Variants in SKIL observed in about 807,000 individuals in gnomAD.
SKIL encodes SKI like proto-oncogene.
SKIL carries 20 observed loss-of-function variants against 69.6 expected under a neutral mutation model. That is an observed-to-expected ratio of 0.29 (90% CI 0.20 to 0.42). SKIL has a LOEUF of 0.42. SKIL is among the 10% of genes least tolerant of loss of function. The pLI, the probability that SKIL is intolerant of heterozygous loss-of-function variation, is 1.00. For synonymous variants in SKIL, 310 were observed against 279.9 expected (o/e 1.11, Z -1.08); for missense variants, 745 against 783.1 (o/e 0.95, Z 0.58).
At chr3:170,358,570 G>C (rs1038135812) in intron 1 of SKIL, 1 of 152,780 alleles carries the variant, frequency 6.5e-6, no homozygotes, top group Non-Finnish European at 1.5e-5. Flanking sequence ...GTTGAGTAAG[G>C]TGTGTTCCTG....
chr3:170,373,371 G>T (rs565987662), intron 2 of SKIL, among the ~76,000 whole-genome samples: 2 of 151,352 alleles, frequency 1.3e-5, no homozygotes, highest in African/African-American at 2.4e-5. Flanking sequence ...TAGAGACAGG[G>T]TTTCACCATG....
intron 2 of SKIL, among the ~76,000 whole-genome samples, chr3:170,367,934 C>T (rs919995952): frequency 6.6e-6 from 1 of 152,128 alleles, no homozygotes; most frequent in African/African-American, 2.4e-5. Flanking sequence ...AGCGTATTAG[C>T]CGTTTGAGAG....
chr3:170,388,122 A>G (rs184517431), intron 4 of SKIL, among the ~76,000 whole-genome samples: 3 of 152,226 alleles, frequency 2.0e-5, no homozygotes, highest in African/African-American at 4.8e-5. Context: ...ACCATTTTAC[A>G]TTCCTGTGGT....
chr3:170,360,675 G>C lies in SKIL; in HGVS notation c.344G>C (p.Ser115Thr). 3 of 1,614,186 alleles carry C rather than the reference G, an allele frequency of 1.9e-6. No individual in the cohort carries two copies. The highest frequency in any genetic ancestry group is 2.5e-6 in the Non-Finnish European group (3 of 1,180,028). ...AAFSARHSQE[S>T]MSPTVFLPLP... ...TTTTCTGCTCGGCATTCCCAAGAAA[G>C]CATGTCGCCTACTGTATTTCTGCCT... The change falls in exon 2 of 7, where the codon AGC becomes ACC. Residue 115 changes from serine to threonine, a missense_variant. Physicochemically the swap from Ser to Thr is moderately conservative, Grantham distance 58. Coordinates refer to ENST00000259119, the MANE Select transcript of SKIL (RefSeq NM_005414.5).
intron 3 of SKIL, among the ~76,000 whole-genome samples, chr3:170,382,872 C>T (rs1737433900): frequency 6.6e-6 from 1 of 151,596 alleles, no homozygotes; most frequent in African/African-American, 2.4e-5. Flanking sequence ...GCATCCGCTG[C>T]TACGCCCAGC....
chr3:170,370,956 A>AAC (rs766794657), intron 2 of SKIL, among the ~76,000 whole-genome samples: 1 of 152,294 alleles, frequency 6.6e-6, no homozygotes, highest in Non-Finnish European at 1.5e-5. Flanking sequence ...TCTCAAAAAA[A>AAC]ACAAGACAAA....
intron 2 of SKIL, among the ~76,000 whole-genome samples, chr3:170,366,403 G>GGC (rs1178303013): frequency 3.3e-5 from 5 of 152,034 alleles, no homozygotes; most frequent in Non-Finnish European, 7.4e-5. Context: ...TTTTAGGCCA[G>GGC]GCGCGGTGGC....
In SKIL at chr3:170,386,235, A is replaced by T. The variant is rs578037733; in HGVS notation, c.1429+1470A>T. Among the ~76,000 whole-genome samples the T allele has an allele frequency of 6.2e-4, 94 of 151,158 alleles. 1 individual carries two copies. The highest frequency in any genetic ancestry group is 1.2e-3 in the Non-Finnish European group (80 of 67,876). ...AATCTCCGCCTCCCAGGTTCAAGTG[A>T]TTCTCCTGCCTCAGCCTCCTGAGCA... is the stretch of plus-strand genomic sequence containing the variant. On this transcript the variant is annotated intron_variant, in intron 4 of 6. Transcript: ENST00000259119.
intron 1 of SKIL, 133 bp from the exon 2 acceptor site, chr3:170,359,566 C>T (rs2108889028): frequency 6.7e-6 from 1 of 150,364 alleles, no homozygotes; most frequent in East Asian, 1.9e-4. Flanking sequence ...GCACTTCAGC[C>T]TGGGCGACAG....
rs1738143982 is a variant in SKIL, at chr3:170,395,469, TAAAGTA to T, written c.*3053_*3058del. The T allele has an allele frequency of 6.6e-6, 1 of 152,122 alleles. No individual in the cohort carries two copies. The highest frequency in any genetic ancestry group is 2.4e-5 in the African/African-American group (1 of 41,458). 9.4% of individuals were successfully genotyped at this position (152,122 alleles called of 1,614,324 possible). A position where few individuals can be genotyped will look rare whatever the true frequency, so the allele number is the denominator to read the frequency against. On this transcript the variant is annotated 3_prime_UTR_variant, in exon 7 of 7. Coordinates refer to ENST00000259119, the MANE Select transcript of SKIL (RefSeq NM_005414.5). ...ACATAGCGAATTGTAAAGCAGCTAT[TAAAGTA>T]GGTGAAATAAAGTATATATTTGCCG...
rs1287126803 is a variant in SKIL, at chr3:170,395,920, T to A, written c.*3503T>A. ...TGTGGAATTGAATAAACAGCCTAAT[T>A]TTTTTTTTCTAGTATAGGGTACTTA... On this transcript the variant is annotated 3_prime_UTR_variant, in exon 7 of 7. Coordinates refer to ENST00000259119, the MANE Select transcript of SKIL (RefSeq NM_005414.5). The A allele has an allele frequency of 1.3e-5, 2 of 151,132 alleles. No homozygotes were observed. The highest frequency in any genetic ancestry group is 3.0e-5 in the Non-Finnish European group (2 of 67,678). 9.4% of individuals were successfully genotyped at this position (151,132 alleles called of 1,614,324 possible).
intron 1 of SKIL, among the ~76,000 whole-genome samples, chr3:170,359,355 G>A (rs1243280639): frequency 6.6e-6 from 1 of 152,144 alleles, no homozygotes; most frequent in Non-Finnish European, 1.5e-5. Flanking sequence ...CAGCACTTTG[G>A]GAGGCCCGGG....
rs946449559 is a variant in SKIL, at chr3:170,395,370, G to A, written c.*2953G>A. ...TGAATTTCTGTGTTCATGAGAGTTA[G>A]GGTGTTTTATGCTTCTTGAACTAAT... On this transcript the variant is annotated 3_prime_UTR_variant, in exon 7 of 7. Coordinates refer to ENST00000259119, the MANE Select transcript of SKIL (RefSeq NM_005414.5). 1 of 152,032 alleles carries A rather than the reference G, an allele frequency of 6.6e-6. No homozygotes were observed. The highest frequency in any genetic ancestry group is 2.4e-5 in the African/African-American group (1 of 41,404). The allele number at this position is 152,032 out of a possible 1,614,324, so 9.4% of individuals were successfully genotyped here.
chr3:170,381,937 C>T (rs1737375456), intron 3 of SKIL, among the ~76,000 whole-genome samples: 1 of 151,762 alleles, frequency 6.6e-6, no homozygotes. Context: ...AAAAAATTAG[C>T]CGGGCCTGGT....
rs138963001 is a variant in SKIL at position 170,382,393 on chromosome 3, G to T, written c.1196+1052G>T. On this transcript the variant is annotated intron_variant, in intron 3 of 6. Transcript: ENST00000259119. The stretch of plus-strand genomic sequence containing the variant: ...TTCAAGAGGTAAACAAACTCTTCAA[G>T]AATTTGGTGTGCAACTTTGATTTTT... Among the ~76,000 whole-genome samples, 204 of 148,472 alleles carry T rather than the reference G, an allele frequency of 1.4e-3. 1 individual carries two copies. The highest frequency in any genetic ancestry group is 4.7e-3 in the African/African-American group (192 of 40,608).
Position 170,393,184 on chromosome 3 carries a change from G to A in SKIL, c.*767G>A, listed in dbSNP as rs560604020. The A allele has an allele frequency of 1.3e-5, 2 of 152,168 alleles. No individual in the cohort carries two copies. The highest frequency in any genetic ancestry group is 6.5e-5 in the Admixed American group (1 of 15,274). The allele number at this position is 152,168 out of a possible 1,614,324, so 9.4% of individuals were successfully genotyped here. A position where few individuals can be genotyped will look rare whatever the true frequency, so the allele number is the denominator to read the frequency against. ...TGAACTTTTGTTTGTGTTGTTAATA[G>A]TGGTGTGAAAATATTAACGTTCTTG... On this transcript the variant is annotated 3_prime_UTR_variant, in exon 7 of 7. Transcript: ENST00000259119.
chr3:170,390,114 G>T, intron 4 of SKIL, 109 bp from the exon 5 acceptor site: 2 of 761,810 alleles, frequency 2.6e-6, no homozygotes, highest in South Asian at 1.9e-5. Context: ...ATTTGTTTTG[G>T]TCTAATTTAT....
intron 2 of SKIL, among the ~76,000 whole-genome samples, chr3:170,366,843 C>T (rs1736553915): frequency 6.6e-6 from 1 of 152,130 alleles, no homozygotes; most frequent in Non-Finnish European, 1.5e-5. Flanking sequence ...TACATGCAAA[C>T]ATCACATTCC....
intron 2 of SKIL, among the ~76,000 whole-genome samples, chr3:170,364,195 C>T (rs1245579544): frequency 6.6e-6 from 1 of 151,986 alleles, no homozygotes; most frequent in African/African-American, 2.4e-5. Flanking sequence ...TCAGGCAATG[C>T]GCCTGTCTCT....
Sources: gnomAD v4.1 joint callset for allele counts (sites outside exome capture counted in the v4.1 genomes callset) on GRCh38, gnomAD v4.1.1 for gene constraint, MANE v1.5 for transcripts, NCBI Gene and HGNC (gene_info 2026-07-23, HGNC 2026-07-21) for gene names.